Variants in WNK2 observed in about 807,000 individuals in gnomAD.
WNK2 encodes the protein WNK lysine deficient protein kinase 2.
A neutral mutation model predicts 192.1 loss-of-function variants in WNK2; 67 were observed. The observed-to-expected ratio is 0.35, with a 90% confidence interval of 0.29 to 0.43. WNK2 has a LOEUF of 0.43. WNK2 is among the 20% of genes least tolerant of loss of function. The probability of loss-of-function intolerance (pLI) is 1.00; values close to 1 mark genes in which losing one functional copy is unlikely to be tolerated. For missense variants in WNK2, 2,698 were observed against 3,089.7 expected (o/e 0.87, Z 3.01); for synonymous variants, 1,439 against 1,393.9 (o/e 1.03, Z -0.72).
intron 2 of WNK2, among the ~76,000 whole-genome samples, chr9:93,214,702 C>T (rs905734187): frequency 9.9e-6 from 1 of 101,294 alleles, no homozygotes; most frequent in East Asian, 3.6e-4. Context: ...GTAGTGCCCC[C>T]CCCCCCCCCG....
At chr9:93,250,927 G>A (rs1006064893) in intron 8 of WNK2, among the ~76,000 whole-genome samples, 2 of 151,452 alleles carry the variant, frequency 1.3e-5, no homozygotes, top group African/African-American at 4.9e-5. Flanking sequence ...TGGGATTACA[G>A]GCATGTGCCA....
intron 21 of WNK2, 144 bp from the exon 22 acceptor site, chr9:93,292,164 G>A: frequency 2.6e-6 from 2 of 759,384 alleles, no homozygotes; most frequent in Non-Finnish European, 2.2e-6. Context: ...CACACAGCTG[G>A]CTCCTCCCAG....
At chr9:93,221,694 T>C in intron 2 of WNK2, among the ~76,000 whole-genome samples, 1 of 152,300 alleles carries the variant, frequency 6.6e-6, no homozygotes, top group East Asian at 1.9e-4. Context: ...CTTAGAGTCT[T>C]ACGTTCGCAG....
At chr9:93,317,695 TGCTCCCA>T in intron 29 of WNK2, 64 bp downstream of exon 29, 1 of 1,557,430 alleles carries the variant, frequency 6.4e-7, no homozygotes, top group Non-Finnish European at 8.7e-7. Context: ...TACAGAGGCC[TGCTCCCA>T]GCTCCAGTGT....
At chr9:93,250,264 G>T (rs1293467154) in intron 8 of WNK2, among the ~76,000 whole-genome samples, 2 of 152,022 alleles carry the variant, frequency 1.3e-5, no homozygotes, top group East Asian at 3.9e-4. Flanking sequence ...TGCCCCACGT[G>T]TGTGTACACA....
At chr9:93,304,096 G>A (rs1852073843) in intron 26 of WNK2, among the ~76,000 whole-genome samples, 1 of 152,226 alleles carries the variant, frequency 6.6e-6, no homozygotes, top group Admixed American at 6.5e-5. Flanking sequence ...TTGCTCAGGG[G>A]CTGACCACTT....
At chr9:93,246,454 G>GC (rs1398586351) in intron 7 of WNK2, among the ~76,000 whole-genome samples, 1 of 152,230 alleles carries the variant, frequency 6.6e-6, no homozygotes, top group Non-Finnish European at 1.5e-5. Flanking sequence ...TCGGGAGCCT[G>GC]CCTGTGCAGT....
Position 93,300,102 on chromosome 9 carries a change from G to A in WNK2, c.6167G>A (p.Ser2056Asn). Residue 2056 changes from serine (S) to asparagine (N), a missense_variant, in exon 26 of 30, where the codon AGC becomes AAC. By Grantham distance (46) the Ser-to-Asn change is conservative. Coordinates refer to ENST00000427277, the MANE Select transcript of WNK2 (RefSeq NM_006648.4). ...TSERVTYKSS[S>N]KPRARFLSGP... ...GAGAGAGTGACCTATAAGTCTAGTA[G>A]CAAACCTCGTGCTCGATTCCTCAGT... 1 of 1,613,454 alleles carries A rather than the reference G, an allele frequency of 6.2e-7. No individual in the cohort carries two copies. Among genetic ancestry groups the A allele is most frequent in the Non-Finnish European group, 8.5e-7 (1 of 1,179,772 alleles).
intron 28 of WNK2, chr9:93,317,061 A>G (rs140009431): frequency 1.4e-3 from 290 of 212,642 alleles, no homozygotes; most frequent in Middle Eastern, 5.3e-3. Context: ...GGACAGTGGA[A>G]GGGCTGCCTT....
rs182918506 is a variant in WNK2, at chr9:93,302,955, G to A, written c.6214+2806G>A. On this transcript the variant is annotated intron_variant, in intron 26 of 29. Transcript: ENST00000427277. ...TTTTTTTGAGACAAAGTCTGGCTCT[G>A]TTACCCAGACTGGAGTGCAGCGGCA... Among the ~76,000 whole-genome samples the A allele has an allele frequency of 2.4e-3, 362 of 151,114 alleles. 1 individual carries two copies. The highest frequency in any genetic ancestry group is 8.5e-3 in the African/African-American group (348 of 41,162).
chr9:93,246,509 C>T (rs1281284641), intron 7 of WNK2, among the ~76,000 whole-genome samples: 2 of 152,256 alleles, frequency 1.3e-5, no homozygotes, highest in Non-Finnish European at 2.9e-5. Flanking sequence ...ACACCAACAG[C>T]TCCAATTCCC....
chr9:93,291,169 A>C (rs1375046312), intron 21 of WNK2, among the ~76,000 whole-genome samples: 1 of 152,158 alleles, frequency 6.6e-6, no homozygotes, highest in Non-Finnish European at 1.5e-5. Context: ...TCTTCCCAAA[A>C]GGGTGGAAAT....
chr9:93,257,256 T>G lies in WNK2; in HGVS notation c.2382+117T>G. 1 of 1,197,222 alleles carries G rather than the reference T, an allele frequency of 8.4e-7. No homozygotes were observed. 74.2% of individuals were successfully genotyped at this position (1,197,222 alleles called of 1,614,324 possible). A position where few individuals can be genotyped will look rare whatever the true frequency, so the allele number is the denominator to read the frequency against. ...GTGCATGTGACCTGTGACCTGGGGT[T>G]GGGCTGGCCAGGGAGTTGGGGCTGG... On this transcript the variant is annotated intron_variant, in intron 11 of 29. Transcript: ENST00000427277. This position sits in a 1 kb window ranked among gnomAD's most constrained non-coding sequence, Gnocchi z 4.7.
chr9:93,292,074 G>A (rs1247779870), intron 21 of WNK2, among the ~76,000 whole-genome samples: 1 of 152,226 alleles, frequency 6.6e-6, no homozygotes, highest in African/African-American at 2.4e-5. Flanking sequence ...TTGGGCATCT[G>A]TCATAGAATG....
chr9:93,253,625 G>A (rs577438628), intron 9 of WNK2, among the ~76,000 whole-genome samples: 1 of 152,076 alleles, frequency 6.6e-6, no homozygotes, highest in East Asian at 1.9e-4. Flanking sequence ...ATATTGTGTA[G>A]CGGTTAAAGT....
chr9:93,232,160 C>G (rs539997458), intron 4 of WNK2, among the ~76,000 whole-genome samples: 14 of 152,290 alleles, frequency 9.2e-5, no homozygotes, highest in African/African-American at 3.4e-4. Context: ...ATTCTTAGTT[C>G]TGCTGCATGT....
intron 26 of WNK2, among the ~76,000 whole-genome samples, chr9:93,305,328 C>T (rs937418990): frequency 1.3e-5 from 2 of 152,190 alleles, no homozygotes. Context: ...TTCAGGGGCC[C>T]CTCCTGCACT....
intron 8 of WNK2, among the ~76,000 whole-genome samples, chr9:93,251,735 C>G (rs183338400): frequency 6.6e-6 from 1 of 152,268 alleles, no homozygotes; most frequent in African/African-American, 2.4e-5. Flanking sequence ...AAATGCTACA[C>G]ATATGGTTAG....
At chr9:93,296,217 C>T (rs1157624464) in intron 23 of WNK2, among the ~76,000 whole-genome samples, 1 of 60,156 alleles carries the variant, frequency 1.7e-5, no homozygotes, top group Non-Finnish European at 3.4e-5. Flanking sequence ...CCTCACCTTC[C>T]TCCCCTTTCC....
Sources: gnomAD v4.1 joint callset for allele counts (sites outside exome capture counted in the v4.1 genomes callset) on GRCh38, gnomAD v4.1.1 for gene constraint, Gnocchi (gnomAD v3.1) non-coding constraint, MANE v1.5 for transcripts, NCBI Gene and HGNC (gene_info 2026-07-23, HGNC 2026-07-21) for gene names.